The following SLC6A14 variants were observed in gnomAD, a reference collection of about 807,000 sequenced individuals.
SLC6A14 encodes the protein sodium- and chloride-dependent neutral and basic amino acid transporter B(0+).
Under a neutral mutation model 51.4 loss-of-function variants are expected in SLC6A14, and 21 were observed. The ratio of observed to expected loss-of-function variants is 0.41; its 90% CI spans 0.29 to 0.59. The LOEUF is 0.59. Among genes scored for constraint, SLC6A14 ranks in the 20% least tolerant of loss-of-function variants. The probability of loss-of-function intolerance (pLI) is 0.31; values close to 1 mark genes in which losing one functional copy is unlikely to be tolerated. For missense variants in SLC6A14, 371 were observed against 472.8 expected, an observed-to-expected ratio of 0.78 and a Z score of 2.00; for synonymous variants, 177 against 160.7, an observed-to-expected ratio of 1.10 and a Z score of -0.77.
chrX:116,451,750 T>C, intron 8 of SLC6A14, 80 bp downstream of exon 8: 2 of 560,659 alleles, frequency 3.6e-6, no homozygotes, highest in Non-Finnish European at 5.6e-6. Context: ...TTATAGAAAT[T>C]TACTTGACAC....
At chrX:116,458,670 A>C in intron 13 of SLC6A14, 139 bp from the exon 14 acceptor site, 2 of 487,121 alleles carry the variant, frequency 4.1e-6, no homozygotes, top group Non-Finnish European at 6.3e-6. Flanking sequence ...TTAGATGAAC[A>C]CTTTTTAGTT....
chrX:116,455,336 T>C, intron 11 of SLC6A14, 21 bp from the exon 12 acceptor site: 2 of 1,127,882 alleles, frequency 1.8e-6, no homozygotes, highest in Non-Finnish European at 2.4e-6. Flanking sequence ...AAGCACTCAA[T>C]GTACTCTTTG....
At position 116,443,716 on chromosome X, in the gene SLC6A14, C is replaced by T. The variant is rs782055371; in HGVS notation, c.582C>T (p.Asp194=). 4.2e-6 allele frequency: 5 copies of T among 1,203,011 alleles called. No individual in the cohort carries two copies. Among genetic ancestry groups the T allele is most frequent in the Non-Finnish European group, 5.6e-6 (5 of 889,095 alleles). Residue 194 remains aspartate, a synonymous_variant, in exon 5 of 14, where the codon GAC becomes GAT. Coordinates refer to ENST00000598581, the MANE Select transcript of SLC6A14 (RefSeq NM_007231.5). The stretch of plus-strand genomic sequence containing the variant: ...TCCAAATGAATAAAAGCTGGGTAGA[C>T]ATCAACAATTTTACCTGCATCAACG... ...EIIQMNKSWV[D]INNFTCINGS...
At position 116,454,293 on chromosome X, in the gene SLC6A14, C is replaced by CA. The variant is rs782562202; in HGVS notation, c.1286-30dup. 5 of 879,040 alleles carry CA rather than the reference C, an allele frequency of 5.7e-6. No homozygotes were observed. In the South Asian group the frequency reaches 1.0e-4, roughly 18 times the overall value. 72.4% of individuals were successfully genotyped at this position (879,040 alleles called of 1,213,427 possible). On this transcript the variant is annotated intron_variant, in intron 9 of 13. Coordinates refer to ENST00000598581, the MANE Select transcript of SLC6A14 (RefSeq NM_007231.5). ...TTAACAGTATTGGCAAATAAGTTGACATATAACATGTCATTTCTCCCCCTC... is the reference window on the plus strand; with the variant it reads ...TTAACAGTATTGGCAAATAAGTTGACAATATAACATGTCATTTCTCCCCCTC...
rs1927989451 is a variant in SLC6A14 at position 116,458,991 on chromosome X, G to C, written c.*36G>C. On this transcript the variant is annotated 3_prime_UTR_variant, in exon 14 of 14. Transcript: ENST00000598581. ...AAAAAAATATATGATTGTATAATGT[G>C]ATTTTTTTTAGAATAGGGGGAACCT... The C allele has an allele frequency of 9.0e-7, 1 of 1,113,732 alleles. No homozygotes were observed. The highest frequency in any genetic ancestry group is 1.8e-5 in the African/African-American group (1 of 54,154). The allele number at this position is 1,113,732 out of a possible 1,213,427, so 91.8% of individuals were successfully genotyped here.
chrX:116,441,081 T>C lies in SLC6A14; in HGVS notation c.330T>C (p.Ile110=), dbSNP rs1556693646. ...ASLGPVSVWR[I]LPLFQGVGIT... ...TAGGTCCAGTTTCAGTTTGGAGGATTCTTCCATTGTTTCAAGGTTGGTATT... is the reference window on the plus strand; with the variant it reads ...TAGGTCCAGTTTCAGTTTGGAGGATCCTTCCATTGTTTCAAGGTTGGTATT... Residue 110 remains isoleucine (I), a synonymous_variant, in exon 3 of 14, where the codon ATT becomes ATC. Transcript: ENST00000598581. The C allele has an allele frequency of 6.6e-6, 8 of 1,210,942 alleles. No individual in the cohort carries two copies. The highest frequency in any genetic ancestry group is 2.2e-6 in the Non-Finnish European group (2 of 894,848).
At chrX:116,452,888 G>A in intron 8 of SLC6A14, 129 bp from the exon 9 acceptor site, 1 of 470,716 alleles carries the variant, frequency 2.1e-6, no homozygotes, top group Non-Finnish European at 3.2e-6. Context: ...TGAAATAGTT[G>A]GTAAAAAAAT....
rs1235063757 is a variant in SLC6A14 at position 116,459,757 on chromosome X, C to T, written c.*802C>T. On this transcript the variant is annotated 3_prime_UTR_variant, in exon 14 of 14. Transcript: ENST00000598581. ...ACAAAATTAAGTGTTGTTCATTATA[C>T]TCTCTGAAATATAGGTTTAATTTCA... The T allele has an allele frequency of 2.7e-5, 3 of 111,874 alleles. No individual in the cohort carries two copies. Among genetic ancestry groups the T allele is most frequent in the Non-Finnish European group, 5.7e-5 (3 of 53,059 alleles). 9.2% of individuals were successfully genotyped at this position (111,874 alleles called of 1,213,427 possible). A position where few individuals can be genotyped will look rare whatever the true frequency, so the allele number is the denominator to read the frequency against.
intron 12 of SLC6A14, among the ~76,000 whole-genome samples, chrX:116,456,307 G>C (rs1233875173): frequency 2.7e-5 from 3 of 110,318 alleles, no homozygotes; most frequent in Non-Finnish European, 5.7e-5. Context: ...CAAATCTAAA[G>C]TACCACATTT....
At chrX:116,455,563 A>G in intron 12 of SLC6A14, 97 bp downstream of exon 12, 1 of 609,667 alleles carries the variant, frequency 1.6e-6, no homozygotes, top group Admixed American at 3.0e-5. Flanking sequence ...AATTAATTTT[A>G]TAAAGGAATG....
Position 116,444,939 on chromosome X carries a change from A to G in SLC6A14, c.678A>G (p.Ser226=). Reference sequence around the variant, plus strand: ...TCAGTAAAGTGGCGCTCCAACGGTCAAGTGGAATGAATGAGACTGGAGTAA... The same window carrying G: ...TCAGTAAAGTGGCGCTCCAACGGTCGAGTGGAATGAATGAGACTGGAGTAA... ...QYWNKVALQR[S]SGMNETGVIV... is the part of the protein sequence containing the mutation. The change falls in exon 6 of 14, where the codon TCA becomes TCG. Residue 226 remains serine (S), a synonymous_variant. Transcript: ENST00000598581. The G allele has an allele frequency of 8.3e-7, 1 of 1,210,246 alleles. No individual in the cohort carries two copies. The highest frequency in any genetic ancestry group is 1.1e-6 in the Non-Finnish European group (1 of 894,185).
At chrX:116,449,876 GATTTAATTGATAATATCA>G (rs1470942286) in intron 7 of SLC6A14, among the ~76,000 whole-genome samples, 1 of 111,603 alleles carries the variant, frequency 9.0e-6, no homozygotes, top group Non-Finnish European at 1.9e-5. Flanking sequence ...ATATCTAATT[GATTTAATTGATAATATCA>G]ATTATCCTTG....
At chrX:116,440,398 A>C (rs1299371083) in intron 2 of SLC6A14, among the ~76,000 whole-genome samples, 1 of 112,393 alleles carries the variant, frequency 8.9e-6, no homozygotes, top group African/African-American at 3.2e-5. Flanking sequence ...GCAATAGCTT[A>C]CACTGTGAGC....
intron 2 of SLC6A14, among the ~76,000 whole-genome samples, chrX:116,438,537 A>G (rs1927530401): frequency 8.9e-6 from 1 of 112,249 alleles, no homozygotes; most frequent in Non-Finnish European, 1.9e-5. Context: ...GAAATAATTT[A>G]GTTCAAGGAT....
intron 2 of SLC6A14, among the ~76,000 whole-genome samples, chrX:116,438,742 A>G (rs1484934003): frequency 8.9e-6 from 1 of 112,143 alleles, no homozygotes; most frequent in Non-Finnish European, 1.9e-5. Context: ...TACAGGTTCT[A>G]TTAGAAGTAT....
Position 116,458,980 on chromosome X carries a change from T to A in SLC6A14, c.*25T>A. The stretch of plus-strand genomic sequence containing the variant: ...AGATCTCATTGAAAAAAATATATGA[T>A]TGTATAATGTGATTTTTTTTAGAAT... On this transcript the variant is annotated 3_prime_UTR_variant, in exon 14 of 14. Coordinates refer to ENST00000598581, the MANE Select transcript of SLC6A14 (RefSeq NM_007231.5). 8.7e-7 allele frequency: 1 copy of A among 1,146,073 alleles called. No homozygotes were observed. The highest frequency in any genetic ancestry group is 1.2e-6 in the Non-Finnish European group (1 of 854,197). 94.4% of individuals were successfully genotyped at this position (1,146,073 alleles called of 1,213,427 possible).
In SLC6A14 at chrX:116,442,842, C is replaced by A; in HGVS notation, c.502C>A (p.Pro168Thr). 8.5e-7 allele frequency: 1 copy of A among 1,171,633 alleles called. No homozygotes were observed. Among genetic ancestry groups the A allele is most frequent in the South Asian group, 2.0e-5 (1 of 50,651 alleles). ...SWSDKNCSRSPIVTHCNVSTV... is the reference protein window; with the variant it reads ...SWSDKNCSRSTIVTHCNVSTV... ...GTCAGATAAAAACTGTAGCAGATCA[C>A]CAATAGGTAAAATTTGTCAACACCC... The change falls in exon 4 of 14, where the codon CCA becomes ACA. Residue 168 changes from proline (P) to threonine (T), a missense_variant. Physicochemically the swap from Pro to Thr is conservative, Grantham distance 38. Coordinates refer to ENST00000598581, the MANE Select transcript of SLC6A14 (RefSeq NM_007231.5).
In SLC6A14 at chrX:116,455,012, C is replaced by A. The variant is rs1927900917; in HGVS notation, c.1440C>A (p.Phe480Leu). ...ACTGGGTTCATCTGATTGACCACTT[C>A]TGTGCTGGATGGGGCATTTTAATTG... is the stretch of plus-strand genomic sequence containing the variant. ...GIYWVHLIDHFCAGWGILIAA... is the reference protein window; with the variant it reads ...GIYWVHLIDHLCAGWGILIAA... Residue 480 changes from phenylalanine (F) to leucine (L), a missense_variant, in exon 11 of 14, where the codon TTC (phenylalanine) becomes TTA (leucine). Physicochemically the swap from Phe to Leu is conservative, Grantham distance 22. Around this residue, in one of 2 missense-constraint regions of SLC6A14, gnomAD observed 277 missense variants for 391.8 expected, o/e 0.71. Transcript: ENST00000598581. 8.3e-7 allele frequency: 1 copy of A among 1,206,879 alleles called. No homozygotes were observed. Among genetic ancestry groups the A allele is most frequent in the Non-Finnish European group, 1.1e-6 (1 of 892,211 alleles).
At chrX:116,440,921 A>G (rs1556693616) in intron 2 of SLC6A14, 45 bp from the exon 3 acceptor site, 16 of 1,194,202 alleles carry the variant, frequency 1.3e-5, no homozygotes, top group Non-Finnish European at 1.7e-5. Flanking sequence ...TGCCATCAAG[A>G]CTTCGAGCTG....
Sources: allele counts gnomAD v4.1 joint callset (sites outside exome capture counted in the v4.1 genomes callset), GRCh38; gene constraint gnomAD v4.1.1; regional missense constraint gnomAD v4.1.1; transcripts MANE v1.5; gene names NCBI Gene and HGNC (gene_info 2026-07-23, HGNC 2026-07-21).